CCDC171: variants seen among roughly 807,000 people sequenced by gnomAD.
The protein encoded by CCDC171 is coiled-coil domain containing 171.
CCDC171 carries 177 observed loss-of-function variants against 168.2 expected under a neutral mutation model. That is an observed-to-expected ratio of 1.05 (90% CI 0.93 to 1.19). The LOEUF is 1.19. CCDC171 is among the 50% of genes most tolerant of loss of function. CCDC171 has a pLI of 0.00. For synonymous variants in CCDC171, 687 were observed against 540.8 expected, an observed-to-expected ratio of 1.27 and a Z score of -3.75; for missense variants, 1,991 against 1,539.0, an observed-to-expected ratio of 1.29 and a Z score of -4.91.
chr9:15,756,058 A>G (rs1311540777), intron 18 of CCDC171, among the ~76,000 whole-genome samples: 1 of 152,184 alleles, frequency 6.6e-6, no homozygotes, highest in African/African-American at 2.4e-5. Context: ...CTTACCCAGC[A>G]GTTTTCTCTT....
chr9:15,864,508 C>G (rs770196), intron 23 of CCDC171, among the ~76,000 whole-genome samples: 131,632 of 151,928 alleles, frequency 0.87, 57,096 homozygotes, highest in East Asian at 0.99. Flanking sequence ...TCCACTTCTT[C>G]TGTCCAAGTG....
At chr9:15,827,969 C>T (rs1392727912) in intron 21 of CCDC171, among the ~76,000 whole-genome samples, 1 of 152,080 alleles carries the variant, frequency 6.6e-6, no homozygotes, top group Non-Finnish European at 1.5e-5. Flanking sequence ...GAGGTGAGGA[C>T]CTTTCTTTCT....
chr9:16,071,941 G>A, the CCDC171 span, among the ~76,000 whole-genome samples: 10 of 151,454 alleles, frequency 6.6e-5, no homozygotes, highest in Admixed American at 2.0e-4. Flanking sequence ...CAGCTCACCT[G>A]AACAAACCAA....
chr9:15,899,304 A>G (rs1589044121), intron 24 of CCDC171, among the ~76,000 whole-genome samples: 1 of 152,156 alleles, frequency 6.6e-6, no homozygotes, highest in Non-Finnish European at 1.5e-5. Flanking sequence ...GAACATTTTT[A>G]TGCAAGTTTC....
the CCDC171 span, among the ~76,000 whole-genome samples, chr9:16,076,330 G>A: frequency 2.5e-4 from 38 of 152,286 alleles, no homozygotes; most frequent in South Asian, 1.7e-3. Context: ...TACCCCCTGC[G>A]CCGGGTTGGT....
chr9:15,830,622 A>T (rs988630503), intron 21 of CCDC171, among the ~76,000 whole-genome samples: 6 of 152,312 alleles, frequency 3.9e-5, no homozygotes, highest in Non-Finnish European at 8.8e-5. Flanking sequence ...AGAGTCTTTA[A>T]CCGTAATGTC....
chr9:15,844,622 A>C (rs952328751), intron 21 of CCDC171, among the ~76,000 whole-genome samples: 1 of 152,102 alleles, frequency 6.6e-6, no homozygotes, highest in African/African-American at 2.4e-5. Flanking sequence ...TATGAATTAT[A>C]TCACTTTGTT....
intron 18 of CCDC171, among the ~76,000 whole-genome samples, chr9:15,764,833 T>A (rs866066551): frequency 1.3e-5 from 2 of 152,180 alleles, no homozygotes; most frequent in Non-Finnish European, 2.9e-5. Flanking sequence ...TTTTTAAAAA[T>A]AGTGAAGCCT....
intron 24 of CCDC171, among the ~76,000 whole-genome samples, chr9:15,917,016 A>G (rs1371487901): frequency 6.6e-6 from 1 of 151,982 alleles, no homozygotes; most frequent in Non-Finnish European, 1.5e-5. Flanking sequence ...CTAATGTAAA[A>G]TAATGTGATC....
chr9:15,841,946 C>A (rs554283628), intron 21 of CCDC171, among the ~76,000 whole-genome samples: 3 of 152,086 alleles, frequency 2.0e-5, no homozygotes, highest in Admixed American at 6.6e-5. Flanking sequence ...AACAGTAGGG[C>A]TGAAGACAGC....
intron 11 of CCDC171, among the ~76,000 whole-genome samples, chr9:15,700,610 G>C (rs1161074719): frequency 4.6e-5 from 7 of 152,010 alleles, no homozygotes; most frequent in Non-Finnish European, 7.4e-5. Context: ...CTCTCAATAT[G>C]GTAGCTTTAT....
At chr9:15,993,114 C>T (rs1488293676) in intron 3 of CCDC171, among the ~76,000 whole-genome samples, 1 of 151,800 alleles carries the variant, frequency 6.6e-6, no homozygotes, top group East Asian at 1.9e-4. Flanking sequence ...CATATGGAAC[C>T]AAAAAAGAGC....
the CCDC171 span, among the ~76,000 whole-genome samples, chr9:16,102,312 C>T: frequency 2.6e-5 from 4 of 152,140 alleles, no homozygotes; most frequent in South Asian, 2.1e-4. Flanking sequence ...TATACACACG[C>T]GCTTGCTCTC....
intron 7 of CCDC171, among the ~76,000 whole-genome samples, chr9:15,632,594 C>T (rs57094172): frequency 1.3e-5 from 2 of 151,598 alleles, no homozygotes; most frequent in African/African-American, 4.9e-5. Flanking sequence ...TGGCCATACT[C>T]CCCAAGGTAA....
intron 7 of CCDC171, among the ~76,000 whole-genome samples, chr9:15,631,678 G>A (rs554235231): frequency 1.3e-5 from 2 of 152,166 alleles, no homozygotes; most frequent in Non-Finnish European, 2.9e-5. Context: ...TATGAGGCCA[G>A]CATCATTCTG....
At chr9:15,982,219 A>G (rs1418271898) in intron 3 of CCDC171, among the ~76,000 whole-genome samples, 2 of 152,148 alleles carry the variant, frequency 1.3e-5, no homozygotes, top group African/African-American at 4.8e-5. Flanking sequence ...TGCTTCTGAG[A>G]ACTTCTCAGA....
At chr9:15,570,642 A>G (rs2040151175) in intron 2 of CCDC171, among the ~76,000 whole-genome samples, 1 of 152,158 alleles carries the variant, frequency 6.6e-6, no homozygotes, top group African/African-American at 2.4e-5. Flanking sequence ...CTAGAGAACC[A>G]CTGGCATCAG....
chr9:16,001,894 G>A (rs963496294), intron 3 of CCDC171, among the ~76,000 whole-genome samples: 2 of 150,250 alleles, frequency 1.3e-5, no homozygotes, highest in African/African-American at 4.9e-5. Context: ...CTGAAGTGTG[G>A]GGGTGCAATC....
At chr9:15,645,337 C>G (rs903125472) in intron 7 of CCDC171, among the ~76,000 whole-genome samples, 1 of 119,238 alleles carries the variant, frequency 8.4e-6, no homozygotes, top group Non-Finnish European at 2.0e-5. Flanking sequence ...GCTCTTCTAC[C>G]TCTCCAAAGG....
Sources: allele counts gnomAD v4.1 joint callset (sites outside exome capture counted in the v4.1 genomes callset), GRCh38; gene constraint gnomAD v4.1.1; transcripts MANE v1.5; gene names NCBI Gene and HGNC (gene_info 2026-07-23, HGNC 2026-07-21).